Variants in TRIP12 observed in about 807,000 individuals in gnomAD.
TRIP12 encodes thyroid hormone receptor interactor 12.
In TRIP12, 25 loss-of-function variants were observed where a neutral mutation model predicts 244.2. The ratio of observed to expected loss-of-function variants is 0.10; its 90% CI spans 0.07 to 0.14. The LOEUF (loss-of-function observed/expected upper bound fraction) is 0.14, where lower values mean the gene tolerates loss of function less well. Among genes scored for constraint, TRIP12 ranks in the 10% least tolerant of loss-of-function variants. The pLI is 1.00. For missense variants in TRIP12, 1,677 were observed against 2,486.4 expected, an observed-to-expected ratio of 0.67 and a Z score of 6.92; for synonymous variants, 905 against 873.1, an observed-to-expected ratio of 1.04 and a Z score of -0.64.
At chr2:229,919,915 A>C (rs990494691) in intron 1 of TRIP12, among the ~76,000 whole-genome samples, 5 of 152,236 alleles carry the variant, frequency 3.3e-5, no homozygotes, top group Admixed American at 6.5e-5. Flanking sequence ...ACACAGCAGG[A>C]AGTGTCAAAA....
At chr2:229,909,975 T>C (rs1325936773) in intron 1 of TRIP12, among the ~76,000 whole-genome samples, 1 of 152,254 alleles carries the variant, frequency 6.6e-6, no homozygotes, top group Non-Finnish European at 1.5e-5. Flanking sequence ...TTTGAGAGTA[T>C]TGCTACATGC....
At chr2:229,894,729 C>A (rs531022779) in intron 1 of TRIP12, among the ~76,000 whole-genome samples, 241 of 152,350 alleles carry the variant, frequency 1.6e-3, no homozygotes, top group Middle Eastern at 0.014. Flanking sequence ...CAAGGAACTT[C>A]AAATCCTACT....
In TRIP12 at chr2:229,880,145, T is replaced by A; in HGVS notation, c.-49-17A>T. ...TACCATTCACTAAAAGAAAAAAAAA[T>A]AAACAAAATTTATCAGATGTACAAA... On this transcript the variant is annotated splice_polypyrimidine_tract_variant and intron_variant, in intron 1 of 41. Transcript: ENST00000675903. The A allele has an allele frequency of 6.4e-6, 9 of 1,405,048 alleles. No individual in the cohort carries two copies. Among genetic ancestry groups the A allele is most frequent in the Non-Finnish European group, 8.9e-6 (9 of 1,014,820 alleles). 87.0% of individuals were successfully genotyped at this position (1,405,048 alleles called of 1,614,324 possible). A position where few individuals can be genotyped will look rare whatever the true frequency, so the allele number is the denominator to read the frequency against.
Position 229,891,459 on chromosome 2 carries a change from T to C in TRIP12, c.-49-11331A>G, listed in dbSNP as rs1326478335. On this transcript the variant is annotated intron_variant, in intron 1 of 41. Coordinates refer to ENST00000675903, the MANE Select transcript of TRIP12 (RefSeq NM_001348323.3). ...ATAAAATTAAAATAGCCGGGTGTGG[T>C]GACATGCACATCTAGGCCCAGCTAC... 2.0e-5 allele frequency among the ~76,000 whole-genome samples: 3 copies of C among 151,108 alleles called. No homozygotes were observed. In the East Asian group the frequency reaches 5.9e-4, roughly 30 times the overall value.
chr2:229,833,885 C>CTTAA (rs1256753378), intron 6 of TRIP12, among the ~76,000 whole-genome samples: 1 of 151,270 alleles, frequency 6.6e-6, no homozygotes, highest in East Asian at 1.9e-4. Flanking sequence ...AATTAGAAGA[C>CTTAA]TTAAACCAGC....
At chr2:229,869,642 G>A (rs144976945) in intron 2 of TRIP12, among the ~76,000 whole-genome samples, 22 of 152,198 alleles carry the variant, frequency 1.4e-4, no homozygotes, top group Admixed American at 3.3e-4. Flanking sequence ...TATAGAGCAC[G>A]GTGCTTACTA....
At chr2:229,868,768 A>G (rs1013624669) in intron 2 of TRIP12, among the ~76,000 whole-genome samples, 1 of 152,232 alleles carries the variant, frequency 6.6e-6, no homozygotes, top group African/African-American at 2.4e-5. Context: ...AGTTTCACTA[A>G]GTAGGCTTTA....
intron 4 of TRIP12, among the ~76,000 whole-genome samples, chr2:229,857,764 A>C (rs1343475852): frequency 6.6e-6 from 1 of 152,164 alleles, no homozygotes; most frequent in Non-Finnish European, 1.5e-5. Context: ...TCCAAAACTG[A>C]CTCATGAAGG....
intron 33 of TRIP12, among the ~76,000 whole-genome samples, chr2:229,786,564 ATTTTTTTTTT>A (rs34969936): frequency 3.8e-4 from 30 of 78,022 alleles, no homozygotes; most frequent in Middle Eastern, 0.023. Context: ...CGCCCAGATA[ATTTTTTTTTT>A]TTTTTTTTTT....
In TRIP12 at chr2:229,804,227, C is replaced by T. The variant is rs1368701119; in HGVS notation, c.2651G>A (p.Ser884Asn). Residue 884 changes from serine (S) to asparagine (N), a missense_variant and splice_region_variant, in exon 19 of 42, where the codon AGT becomes AAT. Ser to Asn is a conservative substitution (Grantham distance 46). Around this residue, in one of 11 missense-constraint regions of TRIP12, gnomAD observed 572 missense variants for 867.8 expected, o/e 0.66. Coordinates refer to ENST00000675903, the MANE Select transcript of TRIP12 (RefSeq NM_001348323.3). ...KPNPLANSNT[S>N]GYSESKKDDA... ...ATCCTTCTTTGACTCTGAATATCCA[C>T]CTATTACATTAAAAAAAAATATATG... 1 of 1,604,290 alleles carries T rather than the reference C, an allele frequency of 6.2e-7. No homozygotes were observed. The highest frequency in any genetic ancestry group is 8.5e-7 in the Non-Finnish European group (1 of 1,177,186).
chr2:229,793,472 C>T (rs2042046005), intron 26 of TRIP12: 1 of 166,222 alleles, frequency 6.0e-6, no homozygotes, highest in African/African-American at 2.4e-5. Context: ...AATTCCTGAA[C>T]TATTTAAGCA....
chr2:229,778,478 G>T lies in TRIP12; in HGVS notation c.5319C>A (p.Arg1773=). 1 of 1,614,008 alleles carries T rather than the reference G, an allele frequency of 6.2e-7. No homozygotes were observed. Among genetic ancestry groups the T allele is most frequent in the Non-Finnish European group, 8.5e-7 (1 of 1,179,918 alleles). Residue 1773 remains arginine (R), a synonymous_variant, in exon 36 of 42, where the codon CGC becomes CGA. Transcript: ENST00000675903. This position sits in a 1 kb window ranked among gnomAD's most constrained non-coding sequence, Gnocchi z 4.1. ...AHIAKVKMKF[R]FLGKLMAKAI... ...CCTTGGCCATTAATTTTCCTAAGAAGCGAAACTTCATCTTAACCTTTGCGA... is the reference window on the plus strand; with the variant it reads ...CCTTGGCCATTAATTTTCCTAAGAATCGAAACTTCATCTTAACCTTTGCGA...
At chr2:229,870,240 A>G (rs2062305015) in intron 2 of TRIP12, among the ~76,000 whole-genome samples, 1 of 152,240 alleles carries the variant, frequency 6.6e-6, no homozygotes, top group Non-Finnish European at 1.5e-5. Context: ...CTCCATGAAA[A>G]TGGTATAATC....
At chr2:229,822,536 A>C (rs973039833) in intron 8 of TRIP12, among the ~76,000 whole-genome samples, 3 of 152,222 alleles carry the variant, frequency 2.0e-5, no homozygotes, top group Non-Finnish European at 4.4e-5. Flanking sequence ...ACTCTGGTTA[A>C]AACAAGCTCA....
At chr2:229,852,279 G>A (rs1053863211) in intron 4 of TRIP12, among the ~76,000 whole-genome samples, 1 of 152,140 alleles carries the variant, frequency 6.6e-6, no homozygotes, top group African/African-American at 2.4e-5. Context: ...CTATAAACAG[G>A]TTCCATAATT....
At chr2:229,914,962 A>C (rs1278961719) in intron 1 of TRIP12, among the ~76,000 whole-genome samples, 1 of 152,196 alleles carries the variant, frequency 6.6e-6, no homozygotes, top group Non-Finnish European at 1.5e-5. Flanking sequence ...CACTGCATTA[A>C]AACATATTGG....
chr2:229,826,642 T>C (rs80243247), intron 8 of TRIP12, among the ~76,000 whole-genome samples: 2,273 of 152,302 alleles, frequency 0.015, 50 homozygotes, highest in African/African-American at 0.052. Context: ...ACCAAGATGG[T>C]ACAGCCTACT....
intron 2 of TRIP12, among the ~76,000 whole-genome samples, chr2:229,871,155 C>T (rs1369516377): frequency 1.6e-5 from 2 of 123,766 alleles, no homozygotes; most frequent in Non-Finnish European, 3.1e-5. Context: ...GCCTGGGCAA[C>T]AGAGCAAGAC....
intron 37 of TRIP12, among the ~76,000 whole-genome samples, chr2:229,775,652 A>C (rs1390907341): frequency 6.6e-6 from 1 of 151,100 alleles, no homozygotes; most frequent in Non-Finnish European, 1.5e-5. Context: ...TTTATATATT[A>C]AGTCGAGAAA....
Sources: gnomAD v4.1 joint callset for allele counts (sites outside exome capture counted in the v4.1 genomes callset) on GRCh38, gnomAD v4.1.1 for gene constraint, gnomAD v4.1.1 regional missense constraint, Gnocchi (gnomAD v3.1) non-coding constraint, MANE v1.5 for transcripts, NCBI Gene and HGNC (gene_info 2026-07-23, HGNC 2026-07-21) for gene names.